The following C8orf34 variants were observed in gnomAD, a reference collection of about 807,000 sequenced individuals.
The protein encoded by C8orf34 is chromosome 8 open reading frame 34.
A neutral mutation model predicts 68.3 loss-of-function variants in C8orf34; 65 were observed. The ratio of observed to expected loss-of-function variants is 0.95; its 90% CI spans 0.78 to 1.17. The LOEUF (loss-of-function observed/expected upper bound fraction) is 1.17, where lower values mean the gene tolerates loss of function less well. Among genes scored for constraint, C8orf34 ranks in the 50% most tolerant of loss-of-function variants. The probability of loss-of-function intolerance (pLI) is 0.00; values close to 1 mark genes in which losing one functional copy is unlikely to be tolerated. For missense variants in C8orf34, 664 were observed against 655.4 expected (o/e 1.01, Z -0.14); for synonymous variants, 244 against 241.2 (o/e 1.01, Z -0.11).
intron 1 of C8orf34, among the ~76,000 whole-genome samples, chr8:68,372,948 G>T (rs1033125797): frequency 2.6e-5 from 4 of 152,178 alleles, no homozygotes. Context: ...CAGCATAGAA[G>T]AATGGGTTTG....
At chr8:68,709,197 G>A (rs1015473078) in intron 9 of C8orf34, 118 bp downstream of exon 9, 30 of 729,396 alleles carry the variant, frequency 4.1e-5, no homozygotes, top group African/African-American at 8.9e-5. Flanking sequence ...GCAGCTGCAC[G>A]TCACATATCT....
intron 1 of C8orf34, among the ~76,000 whole-genome samples, chr8:68,395,416 C>T (rs539009891): frequency 6.6e-6 from 1 of 151,716 alleles, no homozygotes; most frequent in Admixed American, 6.6e-5. Flanking sequence ...CACATTCTGG[C>T]TGTCATTAGT....
At chr8:68,437,838 A>G (rs766567724) in intron 1 of C8orf34, 2 of 152,138 alleles carry the variant, frequency 1.3e-5, no homozygotes, top group Non-Finnish European at 2.9e-5. Context: ...CATTTTTTAA[A>G]TATGCAGAAA....
At chr8:68,631,337 C>T (rs1307843047) in intron 7 of C8orf34, among the ~76,000 whole-genome samples, 1 of 152,132 alleles carries the variant, frequency 6.6e-6, no homozygotes, top group African/African-American at 2.4e-5. Flanking sequence ...AACTTCTGGG[C>T]TCAAGTGATC....
chr8:68,787,753 GAA>G, intron 12 of C8orf34: 1 of 296,192 alleles, frequency 3.4e-6, no homozygotes, highest in Non-Finnish European at 6.2e-6. Context: ...TAACTTTCTA[GAA>G]AAAAAAAGCA....
At position 68,574,452 on chromosome 8, in the gene C8orf34, C is replaced by T. The variant is rs141788909; in HGVS notation, c.1105+41303C>T. 8.2e-3 allele frequency among the ~76,000 whole-genome samples: 1,249 copies of T among 152,074 alleles called. 21 individuals carry two copies. The highest frequency in any genetic ancestry group is 0.028 in the African/African-American group (1,177 of 41,504). On this transcript the variant is annotated intron_variant, in intron 7 of 13. Coordinates refer to ENST00000518698, the MANE Select transcript of C8orf34 (RefSeq NM_052958.4). ...TTAGCATAAGATTAGTATCTTGAAACCAGTATATGTTCCCATTTTTAAAAA... is the reference window on the plus strand; with the variant it reads ...TTAGCATAAGATTAGTATCTTGAAATCAGTATATGTTCCCATTTTTAAAAA...
intron 12 of C8orf34, among the ~76,000 whole-genome samples, chr8:68,804,219 A>G (rs1585909197): frequency 1.3e-5 from 2 of 152,184 alleles, no homozygotes; most frequent in Admixed American, 6.5e-5. Flanking sequence ...TGCCATCTTC[A>G]AACTTTTGCA....
chr8:68,377,284 G>A (rs1309399616), intron 1 of C8orf34, among the ~76,000 whole-genome samples: 1 of 152,134 alleles, frequency 6.6e-6, no homozygotes, highest in Non-Finnish European at 1.5e-5. Flanking sequence ...TGGTGTCTCA[G>A]CTATTCAGGG....
At position 68,343,109 on chromosome 8, in the gene C8orf34, C is replaced by T. The variant is rs1479199738; in HGVS notation, c.327+11770C>T. On this transcript the variant is annotated intron_variant, in intron 1 of 13. Transcript: ENST00000518698. ...AAACAAAACAAAACAAATTAACCAA[C>T]ACTCCCTCTAATAATCTAAATGCAA... Among the ~76,000 whole-genome samples the T allele has an allele frequency of 3.9e-5, 6 of 152,266 alleles. No homozygotes were observed. In the East Asian group the frequency reaches 7.7e-4, roughly 20 times the overall value.
intron 7 of C8orf34, among the ~76,000 whole-genome samples, chr8:68,582,011 G>A (rs1203020417): frequency 6.6e-6 from 1 of 152,128 alleles, no homozygotes; most frequent in Non-Finnish European, 1.5e-5. Flanking sequence ...GTTTTCCCCT[G>A]TAGAGGTGGA....
chr8:68,666,534 A>C (rs1819847552), intron 8 of C8orf34, among the ~76,000 whole-genome samples: 1 of 152,244 alleles, frequency 6.6e-6, no homozygotes. Context: ...GTATACAAAA[A>C]ACAAACAAAA....
At chr8:68,583,933 C>T (rs1817135367) in intron 7 of C8orf34, among the ~76,000 whole-genome samples, 1 of 151,930 alleles carries the variant, frequency 6.6e-6, no homozygotes, top group Non-Finnish European at 1.5e-5. Flanking sequence ...GGTTATGAAT[C>T]TTAAAGCATG....
At chr8:68,543,662 A>G (rs1266566842) in intron 7 of C8orf34, among the ~76,000 whole-genome samples, 1 of 152,210 alleles carries the variant, frequency 6.6e-6, no homozygotes, top group Admixed American at 6.5e-5. Flanking sequence ...ACCTGCAATT[A>G]AACACTAACT....
chr8:68,486,906 G>T (rs189013483), intron 4 of C8orf34, among the ~76,000 whole-genome samples: 1 of 152,042 alleles, frequency 6.6e-6, no homozygotes, highest in African/African-American at 2.4e-5. Context: ...CTCTTGGCTC[G>T]TTCCCTACAG....
chr8:68,502,674 T>A (rs1813832769), intron 5 of C8orf34, among the ~76,000 whole-genome samples: 1 of 152,204 alleles, frequency 6.6e-6, no homozygotes, highest in Admixed American at 6.5e-5. Context: ...AGCCAAATAT[T>A]TGAGGACAGG....
chr8:68,647,873 G>A (rs190633906), intron 8 of C8orf34, among the ~76,000 whole-genome samples: 1 of 152,102 alleles, frequency 6.6e-6, no homozygotes, highest in East Asian at 1.9e-4. Context: ...TGTGAACATT[G>A]CTGCAATTTG....
intron 3 of C8orf34, among the ~76,000 whole-genome samples, chr8:68,461,123 C>T (rs886354320): frequency 6.6e-6 from 1 of 152,156 alleles, no homozygotes; most frequent in African/African-American, 2.4e-5. Context: ...AAAGCCAAGG[C>T]TGGAGAACTA....
chr8:68,568,568 A>T (rs1389239510), intron 7 of C8orf34, among the ~76,000 whole-genome samples: 1 of 152,154 alleles, frequency 6.6e-6, no homozygotes, highest in African/African-American at 2.4e-5. Flanking sequence ...TAGAAAAAAA[A>T]AAAATCTGTG....
intron 12 of C8orf34, among the ~76,000 whole-genome samples, chr8:68,811,834 C>G (rs1414626457): frequency 6.6e-6 from 1 of 152,132 alleles, no homozygotes; most frequent in Non-Finnish European, 1.5e-5. Flanking sequence ...TATGATTTTA[C>G]AAACTCAGAT....
Sources: allele counts gnomAD v4.1 joint callset (sites outside exome capture counted in the v4.1 genomes callset), GRCh38; gene constraint gnomAD v4.1.1; transcripts MANE v1.5; gene names NCBI Gene and HGNC (gene_info 2026-07-23, HGNC 2026-07-21).